SLC12A6: variants seen among roughly 807,000 people sequenced by gnomAD.
The protein encoded by SLC12A6 is solute carrier family 12 member 6.
In SLC12A6, 66 loss-of-function variants were observed where a neutral mutation model predicts 135.3. The ratio of observed to expected loss-of-function variants is 0.49; its 90% CI spans 0.40 to 0.60. The LOEUF (loss-of-function observed/expected upper bound fraction) is 0.60, where lower values mean the gene tolerates loss of function less well. Ranked by LOEUF, SLC12A6 falls within the 20% of genes least tolerant of loss-of-function variation. The pLI is 0.00. For synonymous variants in SLC12A6, 513 were observed against 508.8 expected, an observed-to-expected ratio of 1.01 and a Z score of -0.11; for missense variants, 1,058 against 1,452.3, an observed-to-expected ratio of 0.73 and a Z score of 4.41.
Position 34,231,364 on chromosome 15 carries a change from GA to G in SLC12A6, c.*2516del, listed in dbSNP as rs77227436. 8,410 of 138,350 alleles carry G rather than the reference GA, an allele frequency of 0.061. 268 individuals carry two copies. Among genetic ancestry groups the G allele is most frequent in the Non-Finnish European group, 0.078 (4,962 of 63,710 alleles). The allele number at this position is 138,350 out of a possible 1,614,324, so 8.6% of individuals were successfully genotyped here. A position where few individuals can be genotyped will look rare whatever the true frequency, so the allele number is the denominator to read the frequency against. ...GCAACAAGAGCGAAACTACGTCTCGGAAAAAAAAAAAAAAGATACTGGATCC... is the reference window on the plus strand; with the variant it reads ...GCAACAAGAGCGAAACTACGTCTCGGAAAAAAAAAAAAAGATACTGGATCC... On this transcript the variant is annotated 3_prime_UTR_variant, in exon 26 of 26. Transcript: ENST00000354181.
intron 2 of SLC12A6, among the ~76,000 whole-genome samples, chr15:34,293,714 C>G (rs1895696828): frequency 6.6e-6 from 1 of 152,214 alleles, no homozygotes; most frequent in South Asian, 2.1e-4. Context: ...ATCCCCTGGC[C>G]TAAGCCTTCC....
chr15:34,233,885 G>C lies in SLC12A6; in HGVS notation c.3449C>G (p.Ser1150Ter). ...AGCACGGTCATTCAGAGTAGGTTAT[G>C]AATAAATGGTGATCACTTCACTGCC... ...GGGSEVITIYS is the reference protein window; with the variant it reads ...GGGSEVITIY Residue 1150 changes from serine to a stop codon, truncating the protein, a stop_gained, in exon 26 of 26, where the codon TCA becomes TGA. Coordinates refer to ENST00000354181, the MANE Select transcript of SLC12A6 (RefSeq NM_001365088.1). LOFTEE classifies it high-confidence loss of function. 6.4e-7 allele frequency: 1 copy of C among 1,560,888 alleles called. No individual in the cohort carries two copies. Among genetic ancestry groups the C allele is most frequent in the Non-Finnish European group, 8.8e-7 (1 of 1,131,466 alleles).
Position 34,245,879 on chromosome 15 carries a change from A to C in SLC12A6, c.1650-12T>G, listed in dbSNP as rs1281445940. 6.2e-7 allele frequency: 1 copy of C among 1,605,144 alleles called. No homozygotes were observed. The highest frequency in any genetic ancestry group is 8.5e-7 in the Non-Finnish European group (1 of 1,171,972). ...CAGCATCACCGAACCTGGGAAAGAA[A>C]TAGGAGTGGGAAATTTAATCTGGAA... On this transcript the variant is annotated splice_polypyrimidine_tract_variant and intron_variant, in intron 13 of 25. Coordinates refer to ENST00000354181, the MANE Select transcript of SLC12A6 (RefSeq NM_001365088.1).
At chr15:34,254,257 T>G (rs976246071) in intron 9 of SLC12A6, 91 bp downstream of exon 9, 1 of 1,296,490 alleles carries the variant, frequency 7.7e-7, no homozygotes, top group African/African-American at 1.5e-5. Flanking sequence ...TCAGAGAGAC[T>G]CTATGAAATT....
At chr15:34,252,456 A>G (rs2140738159) in intron 9 of SLC12A6, 72 bp from the exon 10 acceptor site, 1 of 896,660 alleles carries the variant, frequency 1.1e-6, no homozygotes, top group Non-Finnish European at 1.9e-6. Context: ...GAAACAGGTT[A>G]GTAAAGGAAA....
Position 34,250,955 on chromosome 15 carries a change from A to G in SLC12A6, c.1436T>C (p.Val479Ala), listed in dbSNP as rs1237506166. 6.2e-7 allele frequency: 1 copy of G among 1,612,454 alleles called. No individual in the cohort carries two copies. Among genetic ancestry groups the G allele is most frequent in the Non-Finnish European group, 8.5e-7 (1 of 1,178,584 alleles). ...AAGCGTGAAGGAGGTGGTGATGTCA[A>G]CAAGAACATATTCATGGTTTAAGCT... The part of the protein sequence containing the change: ...LGSLNHEYVL[V>A]DITTSFTLLV... Residue 479 changes from valine (V) to alanine (A), a missense_variant, in exon 11 of 26, where the codon GTT (valine) becomes GCT (alanine). Coordinates refer to ENST00000354181, the MANE Select transcript of SLC12A6 (RefSeq NM_001365088.1).
At chr15:34,252,107 G>T in intron 10 of SLC12A6, 63 bp downstream of exon 10, 1 of 807,086 alleles carries the variant, frequency 1.2e-6, no homozygotes, top group East Asian at 2.6e-5. Flanking sequence ...AGGAATCTAA[G>T]ATGACAAGGC....
chr15:34,268,863 C>CT (rs201920442), intron 3 of SLC12A6, among the ~76,000 whole-genome samples: 14,559 of 143,512 alleles, frequency 0.1, 776 homozygotes, highest in South Asian at 0.16. Flanking sequence ...TTCTTTCTTT[C>CT]TTTTTTTTTT....
chr15:34,292,789 C>G (rs1417239152), intron 2 of SLC12A6, among the ~76,000 whole-genome samples: 1 of 152,202 alleles, frequency 6.6e-6, no homozygotes, highest in Non-Finnish European at 1.5e-5. Flanking sequence ...TAGCAGCTAG[C>G]AAGGCTCCGT....
At chr15:34,337,188 C>G (rs1338465116) in intron 1 of SLC12A6, 144 bp downstream of exon 1, 1 of 207,218 alleles carries the variant, frequency 4.8e-6, no homozygotes, top group Non-Finnish European at 1.0e-5. Context: ...GGTGTACACC[C>G]GGCCACCTGT....
At chr15:34,247,595 T>TA (rs1892084155) in intron 13 of SLC12A6, among the ~76,000 whole-genome samples, 1 of 151,746 alleles carries the variant, frequency 6.6e-6, no homozygotes, top group African/African-American at 2.4e-5. Context: ...ACCCATGCTG[T>TA]AGGTGTTGAC....
intron 25 of SLC12A6, among the ~76,000 whole-genome samples, chr15:34,234,381 T>C (rs1415588712): frequency 1.3e-5 from 2 of 149,034 alleles, no homozygotes; most frequent in African/African-American, 4.9e-5. Context: ...CTTTTCTTTC[T>C]TTTTTTTTTG....
At chr15:34,235,451 T>C in intron 24 of SLC12A6, 137 bp from the exon 25 acceptor site, 1 of 691,426 alleles carries the variant, frequency 1.4e-6, no homozygotes, top group South Asian at 1.8e-5. Flanking sequence ...TTTTTTTTTT[T>C]GAGAGGGAGT....
At chr15:34,328,240 A>G (rs1566875114) in intron 2 of SLC12A6, among the ~76,000 whole-genome samples, 1 of 152,174 alleles carries the variant, frequency 6.6e-6, no homozygotes, top group South Asian at 2.1e-4. Flanking sequence ...CAGCCGTTAC[A>G]TTTTTTTCAG....
At chr15:34,313,096 A>C (rs540022454) in intron 2 of SLC12A6, among the ~76,000 whole-genome samples, 1 of 152,334 alleles carries the variant, frequency 6.6e-6, no homozygotes, top group South Asian at 2.1e-4. Flanking sequence ...TTGGCCTCTA[A>C]GTTTTCAAGT....
At chr15:34,235,431 A>ATTTTTTTTTTTTTTTTTTTTTTTTTTT (rs371322623) in intron 24 of SLC12A6, 117 bp from the exon 25 acceptor site, 2 of 426,192 alleles carry the variant, frequency 4.7e-6, no homozygotes, top group African/African-American at 4.8e-5. Flanking sequence ...TGATAAAATG[A>ATTTTTTTTTTTTTTTTTTTTTTTTTTT]TTTTTTTTTT....
chr15:34,257,825 A>T, intron 5 of SLC12A6, 37 bp from the exon 6 acceptor site: 2 of 1,482,860 alleles, frequency 1.3e-6, no homozygotes, highest in South Asian at 1.1e-5. Context: ...TCACACAGTT[A>T]TCCTAAAGAG....
chr15:34,249,568 A>G (rs936339780), intron 13 of SLC12A6, among the ~76,000 whole-genome samples: 2 of 152,196 alleles, frequency 1.3e-5, no homozygotes, highest in Non-Finnish European at 2.9e-5. Flanking sequence ...CCTTGTCTCT[A>G]AATAAATAAG....
rs767970540 is a variant in SLC12A6 at position 34,235,317 on chromosome 15, G to C, written c.3228-3C>G. On this transcript the variant is annotated splice_region_variant and splice_polypyrimidine_tract_variant and intron_variant, in intron 24 of 25. Coordinates refer to ENST00000354181, the MANE Select transcript of SLC12A6 (RefSeq NM_001365088.1). ...TCCGCCTCACATTGGACTGGTCCCT[G>C]AGTGGGGAAGAAATAAAGGTTGTTA... 3 of 1,612,262 alleles carry C rather than the reference G, an allele frequency of 1.9e-6. No homozygotes were observed. The highest frequency in any genetic ancestry group is 2.5e-6 in the Non-Finnish European group (3 of 1,178,456).
Sources: gnomAD v4.1 joint callset for allele counts (sites outside exome capture counted in the v4.1 genomes callset) on GRCh38, gnomAD v4.1.1 for gene constraint, MANE v1.5 for transcripts, NCBI Gene and HGNC (gene_info 2026-07-23, HGNC 2026-07-21) for gene names.